Variants in CFAP61 observed in about 807,000 individuals in gnomAD.
CFAP61 encodes cilia- and flagella-associated protein 61.
In CFAP61, 107 loss-of-function variants were observed where a neutral mutation model predicts 135.6. That is an observed-to-expected ratio of 0.79 (90% CI 0.67 to 0.93). CFAP61 has a LOEUF of 0.93. CFAP61 is among the 40% of genes least tolerant of loss of function. The probability of loss-of-function intolerance (pLI) is 0.00; values close to 1 mark genes in which losing one functional copy is unlikely to be tolerated. For missense variants in CFAP61, 1,507 were observed against 1,556.2 expected (o/e 0.97, Z 0.53); for synonymous variants, 575 against 578.5 (o/e 0.99, Z 0.09).
intron 18 of CFAP61, among the ~76,000 whole-genome samples, chr20:20,241,751 TG>T: frequency 6.6e-6 from 1 of 152,246 alleles, no homozygotes; most frequent in Admixed American, 6.5e-5. Context: ...CACCCAAAGC[TG>T]GGGTAAATTT....
intron 8 of CFAP61, among the ~76,000 whole-genome samples, chr20:20,129,964 A>C (rs900850921): frequency 6.6e-6 from 1 of 151,648 alleles, no homozygotes; most frequent in Non-Finnish European, 1.5e-5. Flanking sequence ...TTATCTGATA[A>C]ATTTATGAAT....
intron 18 of CFAP61, among the ~76,000 whole-genome samples, chr20:20,229,992 A>C (rs2049012630): frequency 6.6e-6 from 1 of 152,100 alleles, no homozygotes; most frequent in African/African-American, 2.4e-5. Flanking sequence ...TCGAATGATG[A>C]ATTATTAAGG....
intron 25 of CFAP61, chr20:20,322,608 G>T: frequency 1.1e-5 from 8 of 753,928 alleles, no homozygotes; most frequent in Non-Finnish European, 1.3e-5. Flanking sequence ...GTATATATTT[G>T]CCGTGGTAAA....
chr20:20,276,892 T>C (rs996887714), intron 21 of CFAP61, among the ~76,000 whole-genome samples: 1 of 152,230 alleles, frequency 6.6e-6, no homozygotes, highest in African/African-American at 2.4e-5. Context: ...AAGGTTTTTT[T>C]CTAGACAGTT....
chr20:20,164,319 C>A, intron 11 of CFAP61, 91 bp downstream of exon 11: 1 of 1,259,116 alleles, frequency 7.9e-7, no homozygotes, highest in South Asian at 1.5e-5. Context: ...CCAGTAATTT[C>A]CAAACCTGGC....
At chr20:20,280,701 G>C (rs2054140949) in intron 22 of CFAP61, among the ~76,000 whole-genome samples, 1 of 152,078 alleles carries the variant, frequency 6.6e-6, no homozygotes, top group Non-Finnish European at 1.5e-5. Flanking sequence ...ACATGCCTTT[G>C]TGTGGATAAT....
At chr20:20,296,006 CT>C (rs1478860606) in intron 24 of CFAP61, among the ~76,000 whole-genome samples, 1 of 94,644 alleles carries the variant, frequency 1.1e-5, no homozygotes, top group Non-Finnish European at 2.4e-5. Context: ...TCCTTCCTTC[CT>C]TCCCTCCTTT....
chr20:20,108,098 AT>A (rs1231991762), intron 8 of CFAP61, among the ~76,000 whole-genome samples: 1 of 152,150 alleles, frequency 6.6e-6, no homozygotes, highest in Non-Finnish European at 1.5e-5. Context: ...TTTCTCCCCC[AT>A]TTTGCCTACT....
Position 20,070,780 on chromosome 20 carries a change from G to A in CFAP61, c.144-74G>A, listed in dbSNP as rs1568828311. ...TGGCTGCTGAGCTCCAGTAGCCAGA[G>A]GGAAAAAAATGGCATGTCCTCACCT... On this transcript the variant is annotated intron_variant, in intron 2 of 26. Coordinates refer to ENST00000245957, the MANE Select transcript of CFAP61 (RefSeq NM_015585.4). The A allele has an allele frequency of 8.4e-6, 12 of 1,435,448 alleles. No individual in the cohort carries two copies. The South Asian group carries it at 1.5e-4, about 18-fold the overall frequency. The allele number at this position is 1,435,448 out of a possible 1,614,324, so 88.9% of individuals were successfully genotyped here.
At chr20:20,111,871 T>C (rs1331200235) in intron 8 of CFAP61, among the ~76,000 whole-genome samples, 1 of 152,194 alleles carries the variant, frequency 6.6e-6, no homozygotes, top group East Asian at 1.9e-4. Flanking sequence ...ATTCTTGTTC[T>C]GCTTGATCTA....
intron 8 of CFAP61, among the ~76,000 whole-genome samples, chr20:20,127,965 A>G (rs1210079091): frequency 6.6e-6 from 1 of 151,502 alleles, no homozygotes; most frequent in Non-Finnish European, 1.5e-5. Context: ...TTGTCAGGGA[A>G]GTTGGGGAAA....
intron 24 of CFAP61, among the ~76,000 whole-genome samples, chr20:20,296,003 T>C (rs1050702629): frequency 6.3e-5 from 6 of 94,746 alleles, no homozygotes; most frequent in African/African-American, 2.0e-4. Context: ...CCTTCCTTCC[T>C]TCCTTCCCTC....
rs375676702 is a variant in CFAP61, at chr20:20,246,214, G to A, written c.2158G>A (p.Asp720Asn). 76 of 1,598,696 alleles carry A rather than the reference G, an allele frequency of 4.8e-5. No homozygotes were observed. Among genetic ancestry groups the A allele is most frequent in the African/African-American group, 8.0e-5 (6 of 74,602 alleles). The change falls in exon 19 of 27, where the codon GAC becomes AAC. Residue 720 changes from aspartate to asparagine, a missense_variant and splice_region_variant. By Grantham distance (23) the Asp-to-Asn change is conservative. Coordinates refer to ENST00000245957, the MANE Select transcript of CFAP61 (RefSeq NM_015585.4). ...TGAACAAAGGAAATTTTTAGCCAGC[G>A]AGTATGAATTGTATTTGCTTTTTCA... ...DTEQRKFLAS[D>N]HCFNDKDYAL... is the part of the protein sequence containing the mutation.
At chr20:20,356,527 C>T (rs66623227) in intron 26 of CFAP61, among the ~76,000 whole-genome samples, 762 of 82,976 alleles carry the variant, frequency 9.2e-3, no homozygotes, top group Middle Eastern at 0.02. Flanking sequence ...GAGGTGGTCA[C>T]AGTGTGAGGG....
intron 18 of CFAP61, among the ~76,000 whole-genome samples, chr20:20,235,779 G>A (rs2049542085): frequency 6.6e-6 from 1 of 152,172 alleles, no homozygotes; most frequent in East Asian, 1.9e-4. Flanking sequence ...GTGGAAATTT[G>A]GAAGGGAAGC....
At chr20:20,299,427 C>T (rs2055895803) in intron 25 of CFAP61, among the ~76,000 whole-genome samples, 2 of 152,166 alleles carry the variant, frequency 1.3e-5, no homozygotes, top group Admixed American at 6.5e-5. Flanking sequence ...GTTGCAAGTA[C>T]TCATCCCAGC....
intron 9 of CFAP61, among the ~76,000 whole-genome samples, chr20:20,152,644 T>A (rs1212189129): frequency 6.6e-6 from 1 of 152,150 alleles, no homozygotes; most frequent in Non-Finnish European, 1.5e-5. Flanking sequence ...AAATGATTTT[T>A]AAAAAATCAG....
Position 20,265,529 on chromosome 20 carries a change from C to T in CFAP61, c.2503+2399C>T, listed in dbSNP as rs543542647. On this transcript the variant is annotated intron_variant, in intron 21 of 26. Transcript: ENST00000245957. ...TTCAAGATTTAAGACTGACTCCCAG[C>T]AGCCAGTGCATAAAGCCATTTGGAG... The T allele has an allele frequency of 5.1e-6, 4 of 779,080 alleles. No individual in the cohort carries two copies. In the Admixed American group the frequency reaches 6.8e-5, roughly 13 times the overall value. The allele number at this position is 779,080 out of a possible 1,614,324, so 48.3% of individuals were successfully genotyped here.
At chr20:20,154,629 C>T (rs893829057) in intron 9 of CFAP61, among the ~76,000 whole-genome samples, 6 of 151,532 alleles carry the variant, frequency 4.0e-5, no homozygotes, top group African/African-American at 1.5e-4. Context: ...AAAACAGCAA[C>T]AACAACAACA....
Sources: gnomAD v4.1 joint callset for allele counts (sites outside exome capture counted in the v4.1 genomes callset) on GRCh38, gnomAD v4.1.1 for gene constraint, MANE v1.5 for transcripts, NCBI Gene and HGNC (gene_info 2026-07-23, HGNC 2026-07-21) for gene names.